Variants in RSPO2 observed in about 807,000 individuals in gnomAD.
RSPO2 encodes R-spondin 2, also known as R-spondin-2.
RSPO2 carries 14 observed loss-of-function variants against 30.9 expected under a neutral mutation model. The observed-to-expected ratio is 0.45, with a 90% CI of 0.30 to 0.71. The LOEUF (loss-of-function observed/expected upper bound fraction) is 0.71. RSPO2 is among the 30% of genes least tolerant of loss of function. The pLI is 0.08. For synonymous variants in RSPO2, 107 were observed against 96.4 expected (o/e 1.11, Z -0.64); for missense variants, 264 against 301.9 (o/e 0.87, Z 0.93).
chr8:107,952,718 C>G (rs1434064263), intron 5 of RSPO2, among the ~76,000 whole-genome samples: 8 of 152,182 alleles, frequency 5.3e-5, no homozygotes, highest in Admixed American at 5.2e-4. Context: ...TAATCTATCA[C>G]AATCTACAAC....
chr8:108,037,832 A>C (rs760641571), intron 2 of RSPO2, among the ~76,000 whole-genome samples: 1 of 152,188 alleles, frequency 6.6e-6, no homozygotes, highest in East Asian at 1.9e-4. Context: ...ACCTGTTTAC[A>C]GCATGGTTTA....
chr8:107,925,475 T>C (rs1310654494), intron 5 of RSPO2, among the ~76,000 whole-genome samples: 1 of 152,054 alleles, frequency 6.6e-6, no homozygotes, highest in Non-Finnish European at 1.5e-5. Context: ...TACATATGTA[T>C]ACATGGGCCA....
chr8:107,937,810 C>G (rs1446198506), intron 5 of RSPO2, among the ~76,000 whole-genome samples: 20 of 152,008 alleles, frequency 1.3e-4, no homozygotes, highest in Admixed American at 1.3e-3. Context: ...TTACTCTCAC[C>G]AAAATTTTTA....
intron 2 of RSPO2, among the ~76,000 whole-genome samples, chr8:108,058,963 A>G (rs554822933): frequency 4.6e-5 from 7 of 151,852 alleles, no homozygotes; most frequent in Non-Finnish European, 8.8e-5. Flanking sequence ...CTAAAACACC[A>G]AAAGCAATGG....
intron 3 of RSPO2, among the ~76,000 whole-genome samples, chr8:107,968,525 G>A (rs1453931952): frequency 6.6e-6 from 1 of 151,962 alleles, no homozygotes; most frequent in Non-Finnish European, 1.5e-5. Context: ...GTATTCAATA[G>A]TACAGTAGGA....
intron 2 of RSPO2, among the ~76,000 whole-genome samples, chr8:108,020,584 TTA>T (rs1811030718): frequency 6.6e-6 from 1 of 152,220 alleles, no homozygotes; most frequent in Admixed American, 6.5e-5. Context: ...TCTTATTTTT[TTA>T]GTTTTTCCTC....
At chr8:107,901,324 A>C (rs922730599) in intron 5 of RSPO2, 134 bp from the exon 6 acceptor site, 8 of 910,020 alleles carry the variant, frequency 8.8e-6, no homozygotes, top group Non-Finnish European at 1.1e-5. Flanking sequence ...CAAAGAGAAA[A>C]TTGTTCACAT....
chr8:108,008,796 A>AAAT (rs915951944), intron 2 of RSPO2, among the ~76,000 whole-genome samples: 2 of 147,930 alleles, frequency 1.4e-5, no homozygotes, highest in African/African-American at 5.2e-5. Context: ...GCAAAAAAAA[A>AAAT]AAAATAAAGA....
intron 2 of RSPO2, among the ~76,000 whole-genome samples, chr8:108,022,768 A>C (rs1811094324): frequency 6.6e-6 from 1 of 152,062 alleles, no homozygotes; most frequent in African/African-American, 2.4e-5. Flanking sequence ...TCTACTAAAA[A>C]TACAAAATTA....
chr8:107,950,981 CT>C (rs1366466763), intron 5 of RSPO2, among the ~76,000 whole-genome samples: 1 of 151,108 alleles, frequency 6.6e-6, no homozygotes, highest in Non-Finnish European at 1.5e-5. Flanking sequence ...ATTGACTGCT[CT>C]TTTTATCAAC....
intron 2 of RSPO2, among the ~76,000 whole-genome samples, chr8:108,045,174 C>T (rs1173310864): frequency 6.6e-6 from 1 of 152,054 alleles, no homozygotes; most frequent in Non-Finnish European, 1.5e-5. Context: ...TCACAAACAA[C>T]ATATCTGACA....
intron 3 of RSPO2, among the ~76,000 whole-genome samples, chr8:107,986,435 G>A (rs541927603): frequency 7.9e-4 from 120 of 152,030 alleles, no homozygotes; most frequent in Non-Finnish European, 1.1e-3. Flanking sequence ...TCTTTCTAAG[G>A]CTGATTTACA....
chr8:108,008,380 C>T (rs978111523), intron 2 of RSPO2, among the ~76,000 whole-genome samples: 1 of 152,130 alleles, frequency 6.6e-6, no homozygotes, highest in African/African-American at 2.4e-5. Context: ...TGTTGGGTAG[C>T]CTGTGGCCTT....
chr8:108,070,882 C>T (rs953317806), intron 2 of RSPO2, among the ~76,000 whole-genome samples: 1 of 152,174 alleles, frequency 6.6e-6, no homozygotes, highest in African/African-American at 2.4e-5. Flanking sequence ...CTTTAATCTT[C>T]CTCTTCATAA....
At chr8:107,963,233 A>G (rs1013403320) in intron 3 of RSPO2, among the ~76,000 whole-genome samples, 2 of 145,818 alleles carry the variant, frequency 1.4e-5, no homozygotes, top group African/African-American at 2.5e-5. Context: ...TGTTAAGTTA[A>G]AAAAAAAAAA....
At chr8:107,976,779 C>A (rs1036494192) in intron 3 of RSPO2, among the ~76,000 whole-genome samples, 3 of 152,190 alleles carry the variant, frequency 2.0e-5, no homozygotes, top group Admixed American at 6.5e-5. Flanking sequence ...GTTCTCCTGT[C>A]TACAAACACT....
chr8:107,973,454 C>A (rs1295871651), intron 3 of RSPO2, among the ~76,000 whole-genome samples: 2 of 151,986 alleles, frequency 1.3e-5, no homozygotes, highest in Non-Finnish European at 2.9e-5. Context: ...AATCTCAGAA[C>A]TCCAAACTCA....
At chr8:108,068,449 T>C (rs558972950) in intron 2 of RSPO2, among the ~76,000 whole-genome samples, 1 of 152,204 alleles carries the variant, frequency 6.6e-6, no homozygotes, top group East Asian at 1.9e-4. Flanking sequence ...GTTATACTAA[T>C]AATATTATGG....
At chr8:108,040,227 CA>C (rs1379021170) in intron 2 of RSPO2, among the ~76,000 whole-genome samples, 1 of 152,080 alleles carries the variant, frequency 6.6e-6, no homozygotes, top group Non-Finnish European at 1.5e-5. Context: ...CCTCGAAAAG[CA>C]ACCAACCAGA....
Sources: allele counts gnomAD v4.1 joint callset (sites outside exome capture counted in the v4.1 genomes callset), GRCh38; gene constraint gnomAD v4.1.1; transcripts MANE v1.5; gene names NCBI Gene and HGNC (gene_info 2026-07-23, HGNC 2026-07-21).